The following ADGRL3 variants were observed in gnomAD, a reference collection of about 807,000 sequenced individuals.
ADGRL3 encodes calcium-independent alpha-latrotoxin receptor 3.
In ADGRL3, 62 loss-of-function variants were observed where a neutral mutation model predicts 153.5. The ratio of observed to expected loss-of-function variants is 0.40; its 90% CI spans 0.33 to 0.50. ADGRL3 has a LOEUF of 0.50. Ranked by LOEUF, ADGRL3 falls within the 20% of genes least tolerant of loss-of-function variation. The probability of loss-of-function intolerance (pLI) is 0.47; values close to 1 mark genes in which losing one functional copy is unlikely to be tolerated. For missense variants in ADGRL3, 1,641 were observed against 1,859.4 expected (o/e 0.88, Z 2.16); for synonymous variants, 710 against 672.5 (o/e 1.06, Z -0.86).
intron 21 of ADGRL3, among the ~76,000 whole-genome samples, chr4:62,027,443 T>A (rs1225319013): frequency 6.6e-6 from 1 of 152,026 alleles, no homozygotes. Flanking sequence ...GGAACTGAAT[T>A]TTAAACTTAA....
intron 1 of ADGRL3, among the ~76,000 whole-genome samples, chr4:61,223,438 T>C (rs1319363942): frequency 2.0e-5 from 3 of 152,230 alleles, no homozygotes; most frequent in Admixed American, 6.5e-5. Context: ...GCCTCTTGTT[T>C]CAGTGACCTG....
chr4:61,378,455 T>A (rs1259462885), intron 1 of ADGRL3, among the ~76,000 whole-genome samples: 1 of 152,072 alleles, frequency 6.6e-6, no homozygotes, highest in East Asian at 1.9e-4. Flanking sequence ...TGATTTAAAG[T>A]TTACCAAGCA....
chr4:62,006,114 A>G (rs1454499227), intron 21 of ADGRL3, among the ~76,000 whole-genome samples: 1 of 146,968 alleles, frequency 6.8e-6, no homozygotes, highest in East Asian at 2.0e-4. Context: ...GGCTCACTGC[A>G]ACATCCACCT....
intron 5 of ADGRL3, among the ~76,000 whole-genome samples, chr4:61,666,348 CT>C (rs2094793108): frequency 6.6e-6 from 1 of 151,488 alleles, no homozygotes; most frequent in South Asian, 2.1e-4. Flanking sequence ...TCTGTTTCTC[CT>C]TTTTTCAAAC....
chr4:61,639,653 C>T (rs2150143016), intron 5 of ADGRL3, among the ~76,000 whole-genome samples: 1 of 152,164 alleles, frequency 6.6e-6, no homozygotes, highest in East Asian at 1.9e-4. Context: ...TTTACTGAAG[C>T]AACTGTATAC....
chr4:61,957,468 A>G (rs963257503), intron 17 of ADGRL3, among the ~76,000 whole-genome samples: 2 of 151,952 alleles, frequency 1.3e-5, no homozygotes, highest in African/African-American at 4.8e-5. Flanking sequence ...AGCATAGCCA[A>G]ATTATAAGTA....
At chr4:61,561,622 T>G (rs2098795436) in intron 4 of ADGRL3, among the ~76,000 whole-genome samples, 1 of 152,132 alleles carries the variant, frequency 6.6e-6, no homozygotes, top group Non-Finnish European at 1.5e-5. Context: ...GAATATTGGT[T>G]AAATCTTTAT....
intron 6 of ADGRL3, among the ~76,000 whole-genome samples, chr4:61,705,499 T>C (rs2095842297): frequency 6.8e-6 from 1 of 148,010 alleles, no homozygotes. Flanking sequence ...ATATATTTTA[T>C]ATATATATAT....
intron 9 of ADGRL3, among the ~76,000 whole-genome samples, chr4:61,828,255 C>G (rs542819544): frequency 6.6e-6 from 1 of 152,192 alleles, no homozygotes; most frequent in African/African-American, 2.4e-5. Flanking sequence ...TTAGGGCATA[C>G]TTGTTTGTTT....
At chr4:61,911,973 A>G (rs1211146544) in intron 12 of ADGRL3, among the ~76,000 whole-genome samples, 1 of 152,216 alleles carries the variant, frequency 6.6e-6, no homozygotes, top group Non-Finnish European at 1.5e-5. Flanking sequence ...GGTGTGTAAC[A>G]GGAGTTGCTG....
intron 8 of ADGRL3, among the ~76,000 whole-genome samples, chr4:61,737,843 G>GT (rs1265663003): frequency 4.6e-5 from 7 of 152,062 alleles, no homozygotes; most frequent in African/African-American, 1.4e-4. Context: ...TCTAAAAATT[G>GT]TATCTACTCT....
At chr4:61,378,463 G>C (rs971941470) in intron 1 of ADGRL3, among the ~76,000 whole-genome samples, 1 of 151,982 alleles carries the variant, frequency 6.6e-6, no homozygotes, top group Non-Finnish European at 1.5e-5. Flanking sequence ...AGTTTACCAA[G>C]CATATAGAGA....
chr4:61,966,573 G>GTTGTGT (rs1553896731), intron 17 of ADGRL3, among the ~76,000 whole-genome samples: 2 of 145,938 alleles, frequency 1.4e-5, no homozygotes, highest in South Asian at 2.2e-4. Context: ...TTTCAAAAGG[G>GTTGTGT]GTGTGTGTGT....
intron 21 of ADGRL3, among the ~76,000 whole-genome samples, chr4:62,000,463 A>G (rs916138789): frequency 2.6e-5 from 4 of 152,082 alleles, no homozygotes; most frequent in Admixed American, 1.3e-4. Flanking sequence ...AACATGGAAA[A>G]AATCAATAAT....
At chr4:61,596,751 G>A (rs1235633955) in intron 5 of ADGRL3, among the ~76,000 whole-genome samples, 4 of 152,084 alleles carry the variant, frequency 2.6e-5, no homozygotes, top group African/African-American at 7.2e-5. Context: ...ACAGCTACTT[G>A]GGAGGGTAAA....
At chr4:61,444,423 G>T (rs1469355677) in intron 2 of ADGRL3, among the ~76,000 whole-genome samples, 1 of 152,102 alleles carries the variant, frequency 6.6e-6, no homozygotes, top group Non-Finnish European at 1.5e-5. Flanking sequence ...CCCCTGACTG[G>T]AGCTCACCAT....
intron 5 of ADGRL3, among the ~76,000 whole-genome samples, chr4:61,644,672 C>G (rs1446340188): frequency 6.6e-6 from 1 of 152,098 alleles, no homozygotes; most frequent in East Asian, 1.9e-4. Flanking sequence ...AATTTCTGTT[C>G]TTTTACATTT....
chr4:61,839,297 C>A (rs1054600361), intron 9 of ADGRL3, among the ~76,000 whole-genome samples: 36 of 152,076 alleles, frequency 2.4e-4, no homozygotes, highest in African/African-American at 8.4e-4. Context: ...CTCAGGGGAT[C>A]CTCTCACCTC....
chr4:61,409,375 CAT>C (rs1316387115), intron 2 of ADGRL3, among the ~76,000 whole-genome samples: 2 of 119,260 alleles, frequency 1.7e-5, no homozygotes, highest in Non-Finnish European at 3.5e-5. Context: ...ATATATAAGA[CAT>C]ATATTATATA....
Sources: gnomAD v4.1 joint callset for allele counts (sites outside exome capture counted in the v4.1 genomes callset) on GRCh38, gnomAD v4.1.1 for gene constraint, MANE v1.5 for transcripts, NCBI Gene and HGNC (gene_info 2026-07-23, HGNC 2026-07-21) for gene names.